Variants in SI observed in about 807,000 individuals in gnomAD.
SI encodes sucrase-isomaltase, intestinal.
Under a neutral mutation model 253.3 loss-of-function variants are expected in SI, and 235 were observed. That is an observed-to-expected ratio of 0.93 (90% confidence interval 0.83 to 1.03). SI has a LOEUF of 1.03. Among genes scored for constraint, SI ranks in the 50% least tolerant of loss-of-function variants. The probability of loss-of-function intolerance (pLI) is 0.00; values close to 1 mark genes in which losing one functional copy is unlikely to be tolerated. For missense variants in SI, 2,442 were observed against 2,211.1 expected (o/e 1.10, Z -2.09); for synonymous variants, 819 against 712.0 (o/e 1.15, Z -2.39).
intron 3 of SI, among the ~76,000 whole-genome samples, chr3:165,069,646 C>T (rs957651881): frequency 1.1e-4 from 17 of 152,152 alleles, no homozygotes; most frequent in Non-Finnish European, 7.4e-5. Flanking sequence ...ATTCTACCTA[C>T]TTACTAGTTC....
intron 44 of SI, among the ~76,000 whole-genome samples, chr3:164,990,280 G>C (rs1717669011): frequency 6.6e-6 from 1 of 152,026 alleles, no homozygotes; most frequent in Non-Finnish European, 1.5e-5. Flanking sequence ...TTTTCGTAAA[G>C]TGATCTTCAT....
Position 164,987,172 on chromosome 3 carries a change from C to T in SI, c.5163G>A (p.Gln1721=). 6.2e-7 allele frequency: 1 copy of T among 1,613,696 alleles called. No individual in the cohort carries two copies. Among genetic ancestry groups the T allele is most frequent in the Non-Finnish European group, 8.5e-7 (1 of 1,179,762 alleles). The part of the protein sequence containing the change: ...IVAADDNQMA[Q]GSLFWDDGES... The stretch of plus-strand genomic sequence containing the variant: ...CTCCATCATCCCAAAACAGAGAACC[C>T]TGTGCCATCTGATTATCATCTGCAG... Residue 1721 remains glutamine, a synonymous_variant, in exon 45 of 48, where the codon CAG becomes CAA. Transcript: ENST00000264382.
At chr3:164,989,054 G>T (rs1198335904) in intron 44 of SI, among the ~76,000 whole-genome samples, 1 of 151,214 alleles carries the variant, frequency 6.6e-6, no homozygotes, top group Non-Finnish European at 1.5e-5. Flanking sequence ...CCTGCACATT[G>T]TGCACATGTA....
intron 36 of SI, 99 bp from the exon 37 acceptor site, chr3:165,007,053 AGT>A (rs1171677555): frequency 7.8e-6 from 7 of 897,782 alleles, no homozygotes; most frequent in Non-Finnish European, 1.2e-5. Flanking sequence ...GAAATTAATC[AGT>A]GTTTTATAAA....
At position 165,068,709 on chromosome 3, in the gene SI, T is replaced by G; in HGVS notation, c.483+13A>C. The stretch of plus-strand genomic sequence containing the variant: ...TTTTAGTATTAAATCTTTGGAAACC[T>G]TAAAAACCGAACCTTGAACCGGAAA... On this transcript the variant is annotated intron_variant, in intron 5 of 47. Transcript: ENST00000264382. The G allele has an allele frequency of 1.9e-6, 3 of 1,599,358 alleles. No individual in the cohort carries two copies. Among genetic ancestry groups the G allele is most frequent in the Non-Finnish European group, 2.6e-6 (3 of 1,166,614 alleles).
intron 34 of SI, among the ~76,000 whole-genome samples, chr3:165,011,194 T>C (rs1216562746): frequency 6.6e-6 from 1 of 152,148 alleles, no homozygotes; most frequent in Admixed American, 6.5e-5. Flanking sequence ...CATTGAGAGG[T>C]AATGTTATTT....
chr3:165,014,571 G>A (rs1259964022), intron 33 of SI, among the ~76,000 whole-genome samples: 1 of 151,888 alleles, frequency 6.6e-6, no homozygotes, highest in Admixed American at 6.6e-5. Flanking sequence ...TTTTTTGATG[G>A]TGTTATCATT....
chr3:165,013,626 C>G (rs901087578), intron 33 of SI, among the ~76,000 whole-genome samples: 2 of 151,992 alleles, frequency 1.3e-5, no homozygotes, highest in African/African-American at 4.8e-5. Context: ...ATTCAATTTG[C>G]TGAAAGCTCT....
At chr3:165,020,332 C>T (rs892192599) in intron 27 of SI, among the ~76,000 whole-genome samples, 22 of 151,586 alleles carry the variant, frequency 1.5e-4, no homozygotes, top group African/African-American at 4.8e-4. Flanking sequence ...TATTATTCAA[C>T]TCATTTGCAA....
chr3:165,046,844 A>G lies in SI; in HGVS notation c.1884T>C (p.Pro628=). Residue 628 remains proline, a synonymous_variant, in exon 16 of 48, where the codon CCT becomes CCC. Transcript: ENST00000264382. The part of the protein sequence containing the change: ...GMLEFSLFGI[P]LVGADICGFV... ...ACACTCTATGAAACTGTCTTACCAA[A>G]GGTATTCCAAACAAACTGAACTCCA... 1 of 1,611,648 alleles carries G rather than the reference A, an allele frequency of 6.2e-7. No individual in the cohort carries two copies. Among genetic ancestry groups the G allele is most frequent in the Non-Finnish European group, 8.5e-7 (1 of 1,178,090 alleles).
At chr3:165,030,042 T>C (rs964861976) in intron 25 of SI, among the ~76,000 whole-genome samples, 2 of 149,766 alleles carry the variant, frequency 1.3e-5, no homozygotes, top group African/African-American at 5.0e-5. Flanking sequence ...GGGAAATTGC[T>C]GACAAATATG....
chr3:165,080,316 A>G (rs570794357), upstream of SI, among the ~76,000 whole-genome samples: 23 of 152,144 alleles, frequency 1.5e-4, no homozygotes, highest in African/African-American at 4.8e-4. Flanking sequence ...AATTGAAACG[A>G]TAAGCCTCTG....
intron 23 of SI, 34 bp from the exon 24 acceptor site, chr3:165,032,726 G>T (rs200824898): frequency 2.1e-6 from 3 of 1,409,110 alleles, no homozygotes; most frequent in Non-Finnish European, 3.0e-6. Context: ...TATATATTAG[G>T]TCATCAGATA....
intron 18 of SI, 129 bp from the exon 19 acceptor site, chr3:165,040,100 A>G (rs372348639): frequency 4.0e-6 from 3 of 752,688 alleles, no homozygotes; most frequent in Middle Eastern, 2.7e-4. Flanking sequence ...GTTTCAGATG[A>G]CATTTTCAAT....
chr3:165,060,573 A>G (rs1713935008), intron 9 of SI, among the ~76,000 whole-genome samples: 1 of 151,792 alleles, frequency 6.6e-6, no homozygotes, highest in Non-Finnish European at 1.5e-5. Flanking sequence ...ATTCACATGC[A>G]GTGCCTCAGC....
At chr3:165,057,011 T>A (rs1025008975) in intron 12 of SI, among the ~76,000 whole-genome samples, 1 of 151,822 alleles carries the variant, frequency 6.6e-6, no homozygotes, top group African/African-American at 2.4e-5. Flanking sequence ...CAGAGACCAA[T>A]CCTGGAAAGA....
At chr3:164,991,940 T>C (rs1003582281) in intron 43 of SI, among the ~76,000 whole-genome samples, 7 of 152,114 alleles carry the variant, frequency 4.6e-5, no homozygotes, top group African/African-American at 1.7e-4. Flanking sequence ...ATGTAATGTG[T>C]AGTTACCATG....
At chr3:165,049,693 C>A in intron 14 of SI, 98 bp downstream of exon 14, 1 of 735,290 alleles carries the variant, frequency 1.4e-6, no homozygotes, top group Non-Finnish European at 2.4e-6. Context: ...TAGAACTATA[C>A]CAAAAATTGT....
chr3:165,019,843 T>G, intron 27 of SI, 73 bp from the exon 28 acceptor site: 1 of 1,297,298 alleles, frequency 7.7e-7, no homozygotes, highest in Non-Finnish European at 1.1e-6. Context: ...ATAACGGTAA[T>G]TCTTTCTTAG....
Sources: gnomAD v4.1 joint callset for allele counts (sites outside exome capture counted in the v4.1 genomes callset) on GRCh38, gnomAD v4.1.1 for gene constraint, MANE v1.5 for transcripts, NCBI Gene and HGNC (gene_info 2026-07-23, HGNC 2026-07-21) for gene names.